MAGI2: variants seen among roughly 807,000 people sequenced by gnomAD.
MAGI2 encodes the protein membrane-associated guanylate kinase, WW and PDZ domain-containing protein 2.
Under a neutral mutation model 133.3 loss-of-function variants are expected in MAGI2, and 35 were observed. The ratio of observed to expected loss-of-function variants is 0.26; its 90% CI spans 0.20 to 0.35. MAGI2 has a LOEUF of 0.35. MAGI2 is among the 10% of genes least tolerant of loss of function. The pLI, the probability that MAGI2 is intolerant of heterozygous loss-of-function variation, is 1.00. For missense variants in MAGI2, 1,636 were observed against 1,863.4 expected, an observed-to-expected ratio of 0.88 and a Z score of 2.25; for synonymous variants, 729 against 710.6, an observed-to-expected ratio of 1.03 and a Z score of -0.41.
chr7:79,142,467 C>T (rs1822230256), intron 1 of MAGI2, among the ~76,000 whole-genome samples: 1 of 152,124 alleles, frequency 6.6e-6, no homozygotes, highest in Non-Finnish European at 1.5e-5. Context: ...AACCTTATGG[C>T]TGCATGCCTT....
chr7:78,556,822 C>T (rs934443206), intron 3 of MAGI2, among the ~76,000 whole-genome samples: 5 of 152,102 alleles, frequency 3.3e-5, no homozygotes, highest in Non-Finnish European at 5.9e-5. Flanking sequence ...GGCATGGTGG[C>T]TCACGCCTGT....
chr7:78,734,156 G>T (rs1027081401), intron 2 of MAGI2, among the ~76,000 whole-genome samples: 1 of 152,144 alleles, frequency 6.6e-6, no homozygotes, highest in Non-Finnish European at 1.5e-5. Context: ...AATTATGTTT[G>T]ACAGATTATG....
chr7:78,208,155 T>TTTA lies in MAGI2; in HGVS notation c.2048-6963_2048-6962insTAA, dbSNP rs1554499970. On this transcript the variant is annotated intron_variant, in intron 10 of 21. Transcript: ENST00000354212. ...AGTGGCTTTTTTTTTTTTTTTTTTT[T>TTTA]AATATGGGGAGCTGAGGCTTTCTCT... 5.7e-4 allele frequency among the ~76,000 whole-genome samples: 83 copies of TTTA among 145,330 alleles called. 2 individuals carry two copies. The South Asian group carries it at 0.018, about 31-fold the overall frequency.
At chr7:78,278,173 CAA>C (rs1172803267) in intron 9 of MAGI2, among the ~76,000 whole-genome samples, 1 of 151,962 alleles carries the variant, frequency 6.6e-6, no homozygotes, top group Non-Finnish European at 1.5e-5. Flanking sequence ...CTGGGAATTA[CAA>C]AAAAACACAC....
intron 21 of MAGI2, among the ~76,000 whole-genome samples, chr7:78,064,686 T>C (rs1220381689): frequency 6.6e-6 from 1 of 152,110 alleles, no homozygotes; most frequent in Non-Finnish European, 1.5e-5. Flanking sequence ...CAGTTTCTGC[T>C]AAAAAGCCAA....
chr7:79,029,283 G>A (rs1055007153), intron 1 of MAGI2, among the ~76,000 whole-genome samples: 1 of 152,016 alleles, frequency 6.6e-6, no homozygotes, highest in Non-Finnish European at 1.5e-5. Context: ...AAACTATCCT[G>A]TATTAATAAA....
intron 2 of MAGI2, among the ~76,000 whole-genome samples, chr7:78,704,928 C>T (rs539508050): frequency 2.0e-4 from 31 of 151,952 alleles, no homozygotes; most frequent in African/African-American, 7.2e-4. Context: ...TGCAGGTTCT[C>T]ACTTGTAAGG....
At chr7:78,725,700 G>A (rs1345117433) in intron 2 of MAGI2, among the ~76,000 whole-genome samples, 1 of 152,240 alleles carries the variant, frequency 6.6e-6, no homozygotes, top group African/African-American at 2.4e-5. Flanking sequence ...TTGGGAGGCT[G>A]AGGCAGGAGA....
chr7:78,639,125 C>T (rs1308191703), intron 2 of MAGI2, among the ~76,000 whole-genome samples: 2 of 152,176 alleles, frequency 1.3e-5, no homozygotes, highest in Non-Finnish European at 2.9e-5. Flanking sequence ...CATTTTATCA[C>T]TGTTAGAATC....
intron 9 of MAGI2, among the ~76,000 whole-genome samples, chr7:78,262,232 A>G (rs1189150801): frequency 1.3e-5 from 2 of 152,164 alleles, no homozygotes; most frequent in Non-Finnish European, 2.9e-5. Flanking sequence ...GCAAAAACAG[A>G]TACTTAGGCA....
At chr7:79,351,288 T>A (rs1841673508) in intron 1 of MAGI2, among the ~76,000 whole-genome samples, 1 of 152,136 alleles carries the variant, frequency 6.6e-6, no homozygotes, top group Admixed American at 6.6e-5. Flanking sequence ...GACATTCTGT[T>A]TTGTCTTGGT....
intron 3 of MAGI2, among the ~76,000 whole-genome samples, chr7:78,537,333 A>T (rs1798046328): frequency 6.6e-6 from 1 of 152,160 alleles, no homozygotes. Context: ...TTTTCATATA[A>T]TGACTTATTT....
chr7:78,443,675 C>T (rs945201241), intron 6 of MAGI2, among the ~76,000 whole-genome samples: 2 of 152,014 alleles, frequency 1.3e-5, no homozygotes, highest in African/African-American at 4.8e-5. Flanking sequence ...CTGTATACAT[C>T]CATCATAAAA....
chr7:78,361,951 G>A (rs1792862493), intron 7 of MAGI2, among the ~76,000 whole-genome samples: 1 of 152,186 alleles, frequency 6.6e-6, no homozygotes, highest in South Asian at 2.1e-4. Context: ...GATGGTAGTG[G>A]TGAGAAGAGA....
chr7:78,713,526 T>C (rs1273446001), intron 2 of MAGI2, among the ~76,000 whole-genome samples: 2 of 152,264 alleles, frequency 1.3e-5, no homozygotes, highest in East Asian at 3.9e-4. Flanking sequence ...ATTGACAGAC[T>C]CAGTCTTACA....
chr7:78,256,470 C>G lies in MAGI2; in HGVS notation c.1520G>C (p.Cys507Ser). Residue 507 changes from cysteine (C) to serine (S), a missense_variant, in exon 10 of 22, where the codon TGT (cysteine) becomes TCT (serine). By Grantham distance (112) the Cys-to-Ser change is moderately radical (BLOSUM62 -1). Transcript: ENST00000354212. ...PIGQSVNLVL[C>S]RGYPLPFDPE... Reference sequence around the variant, plus strand: ...ATCAAAGGGCAAAGGGTAGCCACGACACAACACCAGGTTGACACTCTGACC... The same window carrying G: ...ATCAAAGGGCAAAGGGTAGCCACGAGACAACACCAGGTTGACACTCTGACC... 6.2e-7 allele frequency: 1 copy of G among 1,613,888 alleles called. No homozygotes were observed. Among genetic ancestry groups the G allele is most frequent in the South Asian group, 1.1e-5 (1 of 91,078 alleles).
At chr7:79,443,897 T>C (rs1004013402) in intron 1 of MAGI2, among the ~76,000 whole-genome samples, 19 of 152,340 alleles carry the variant, frequency 1.2e-4, no homozygotes, top group African/African-American at 4.6e-4. Context: ...ACAGAGTCAC[T>C]TAATAAAATC....
chr7:78,147,161 G>A (rs978821733), intron 16 of MAGI2, among the ~76,000 whole-genome samples: 4 of 152,158 alleles, frequency 2.6e-5, no homozygotes, highest in Admixed American at 1.3e-4. Flanking sequence ...TAACCTGAAA[G>A]AATGCAATTT....
At chr7:78,252,960 AC>A (rs57869912) in intron 10 of MAGI2, 20,419 of 98,150 alleles carry the variant, frequency 0.21, 1,661 homozygotes, top group South Asian at 0.38. Flanking sequence ...AAAAAAAAAA[AC>A]AATGGGCAGC....
Sources: allele counts gnomAD v4.1 joint callset (sites outside exome capture counted in the v4.1 genomes callset), GRCh38; gene constraint gnomAD v4.1.1; transcripts MANE v1.5; gene names NCBI Gene and HGNC (gene_info 2026-07-23, HGNC 2026-07-21).